The following ZC3H4 variants were observed in gnomAD, a reference collection of about 807,000 sequenced individuals.
The protein encoded by ZC3H4 is zinc finger CCCH-type containing 4.
In ZC3H4, 13 loss-of-function variants were observed where a neutral mutation model predicts 108.3. The observed-to-expected ratio is 0.12, with a 90% CI of 0.08 to 0.19. ZC3H4 has a LOEUF of 0.19. ZC3H4 is among the 10% of genes least tolerant of loss of function. The pLI is 1.00. For synonymous variants in ZC3H4, 917 were observed against 749.6 expected, an observed-to-expected ratio of 1.22 and a Z score of -3.65; for missense variants, 1,734 against 1,838.8, an observed-to-expected ratio of 0.94 and a Z score of 1.04.
In ZC3H4 at chr19:47,066,213, TA is replaced by T; in HGVS notation, c.*142del. The T allele has an allele frequency of 3.2e-6, 2 of 624,758 alleles. No individual in the cohort carries two copies. The highest frequency in any genetic ancestry group is 5.1e-6 in the Non-Finnish European group (2 of 395,084). The allele number at this position is 624,758 out of a possible 1,614,324, so 38.7% of individuals were successfully genotyped here. A position where few individuals can be genotyped will look rare whatever the true frequency, so the allele number is the denominator to read the frequency against. ...AAGAAAGTACTACTTTAAAAAAAAA[TA>T]AAAGAGACGGAAAGCAAAAGAAAAA... On this transcript the variant is annotated 3_prime_UTR_variant, in exon 15 of 15. Transcript: ENST00000253048.
At chr19:47,104,585 G>A (rs1329889098) in intron 2 of ZC3H4, among the ~76,000 whole-genome samples, 1 of 152,200 alleles carries the variant, frequency 6.6e-6, no homozygotes, top group Admixed American at 6.5e-5. Flanking sequence ...TCAGCAACCT[G>A]TATCACTTAA....
Position 47,112,213 on chromosome 19 carries a change from AG to A in ZC3H4, c.161+210del, listed in dbSNP as rs1031997227. 1.7e-4 allele frequency: 203 copies of A among 1,165,864 alleles called. 1 individual carries two copies. Among genetic ancestry groups the A allele is most frequent in the East Asian group, 2.5e-4 (7 of 27,744 alleles). The allele number at this position is 1,165,864 out of a possible 1,614,324, so 72.2% of individuals were successfully genotyped here. A position where few individuals can be genotyped will look rare whatever the true frequency, so the allele number is the denominator to read the frequency against. On this transcript the variant is annotated intron_variant, in intron 2 of 14. Coordinates refer to ENST00000253048, the MANE Select transcript of ZC3H4 (RefSeq NM_015168.2). ...CGAGGGAGAGCGGGCGAGCGCCGCG[AG>A]GGGGGGGAAACGCATGAGGCCGGGA...
intron 1 of ZC3H4, chr19:47,113,405 A>G (rs1051928020): frequency 2.0e-5 from 3 of 152,708 alleles, no homozygotes; most frequent in Non-Finnish European, 4.4e-5. Flanking sequence ...GGGGAGCCAT[A>G]AATAGCCTAA....
At chr19:47,097,064 C>T in intron 2 of ZC3H4, 7 of 860,692 alleles carry the variant, frequency 8.1e-6, no homozygotes, top group Non-Finnish European at 9.8e-6. Context: ...ATTCAAGGAA[C>T]TCCAAGAGCC....
At chr19:47,104,460 T>A (rs1330910833) in intron 2 of ZC3H4, among the ~76,000 whole-genome samples, 1 of 152,148 alleles carries the variant, frequency 6.6e-6, no homozygotes, top group Non-Finnish European at 1.5e-5. Context: ...CAGGGCCAGG[T>A]ACAGATTGGG....
chr19:47,082,326 G>T (rs189075562), intron 9 of ZC3H4, 31 bp from the exon 10 acceptor site: 17 of 1,538,148 alleles, frequency 1.1e-5, no homozygotes, highest in Middle Eastern at 3.4e-4. Context: ...ACATAAGGTG[G>T]TGGCGTGGGA....
chr19:47,106,746 A>C (rs1243311231), intron 2 of ZC3H4, among the ~76,000 whole-genome samples: 2 of 152,258 alleles, frequency 1.3e-5, no homozygotes, highest in Non-Finnish European at 2.9e-5. Flanking sequence ...TAAAGTCTTC[A>C]TGATAGAAGG....
At chr19:47,071,560 AAAAG>A (rs1302382353) in intron 13 of ZC3H4, among the ~76,000 whole-genome samples, 1 of 152,204 alleles carries the variant, frequency 6.6e-6, no homozygotes, top group Non-Finnish European at 1.5e-5. Context: ...TGCAAAATTA[AAAAG>A]AAATAACCTA....
In ZC3H4 at chr19:47,067,879, A is replaced by C. The variant is rs750821477; in HGVS notation, c.2399-10T>G. 3 of 1,578,220 alleles carry C rather than the reference A, an allele frequency of 1.9e-6. No individual in the cohort carries two copies. The highest frequency in any genetic ancestry group is 2.6e-6 in the Non-Finnish European group (3 of 1,165,112). ...CAGTTTCCGGTGTCACCTGGGAAAG[A>C]ACAGAGGAGCAGGGAGGGGTGAGTG... is the stretch of plus-strand genomic sequence containing the variant. On this transcript the variant is annotated splice_polypyrimidine_tract_variant and intron_variant, in intron 14 of 14. Coordinates refer to ENST00000253048, the MANE Select transcript of ZC3H4 (RefSeq NM_015168.2). The surrounding 1 kb of genome is among the most constrained non-coding windows in gnomAD (Gnocchi z 6.4).
chr19:47,106,960 T>G (rs1185969731), intron 2 of ZC3H4, among the ~76,000 whole-genome samples: 2 of 152,184 alleles, frequency 1.3e-5, no homozygotes, highest in Non-Finnish European at 2.9e-5. Flanking sequence ...GGTATGAGAT[T>G]CTAGATCCCT....
chr19:47,106,032 T>C (rs2057964053), intron 2 of ZC3H4, among the ~76,000 whole-genome samples: 1 of 152,176 alleles, frequency 6.6e-6, no homozygotes, highest in Non-Finnish European at 1.5e-5. Flanking sequence ...CACCTCTCTG[T>C]TTTGGTTTCT....
At chr19:47,073,628 G>A (rs2057367302) in intron 11 of ZC3H4, among the ~76,000 whole-genome samples, 2 of 152,166 alleles carry the variant, frequency 1.3e-5, no homozygotes, top group African/African-American at 2.4e-5. Flanking sequence ...CATTAACAAT[G>A]TTATGTAACC....
chr19:47,085,271 T>C, intron 7 of ZC3H4, 47 bp downstream of exon 7: 1 of 1,300,468 alleles, frequency 7.7e-7, no homozygotes, highest in Non-Finnish European at 1.1e-6. Flanking sequence ...CAGCAGCTGC[T>C]GGAATCCCTG....
At chr19:47,092,843 TAAATAAAC>T (rs1259212761) in intron 4 of ZC3H4, among the ~76,000 whole-genome samples, 7 of 150,294 alleles carry the variant, frequency 4.7e-5, no homozygotes, top group Admixed American at 1.3e-4. Flanking sequence ...AATAAATAAA[TAAATAAAC>T]AAACAAGACA....
Position 47,085,323 on chromosome 19 carries a change from C to A in ZC3H4, c.962G>T (p.Gly321Val), listed in dbSNP as rs1359571169. 1 of 1,598,132 alleles carries A rather than the reference C, an allele frequency of 6.3e-7. No homozygotes were observed. Among genetic ancestry groups the A allele is most frequent in the South Asian group, 1.1e-5 (1 of 88,790 alleles). The change falls in exon 7 of 15, where the codon GGC becomes GTC. Residue 321 changes from glycine (G) to valine (V), a missense_variant. Physicochemically the swap from Gly to Val is moderately radical, Grantham distance 109. This residue lies in a region of ZC3H4 where 403 missense variants were observed against 457.0 expected (regional missense o/e 0.88). Coordinates refer to ENST00000253048, the MANE Select transcript of ZC3H4 (RefSeq NM_015168.2). ...NQYRRSKDSR[G>V]RGLSRGRGRG... Reference sequence around the variant, plus strand: ...CTCTCCAGGCCCCTGCCCACCTCGGCCTCGGCTGTCCTTGGAGCGGCGGTA... The same window carrying A: ...CTCTCCAGGCCCCTGCCCACCTCGGACTCGGCTGTCCTTGGAGCGGCGGTA...
intron 2 of ZC3H4, among the ~76,000 whole-genome samples, chr19:47,100,750 G>T (rs1175245568): frequency 6.6e-6 from 1 of 152,100 alleles, no homozygotes; most frequent in Admixed American, 6.6e-5. Context: ...CCAGGCTGGA[G>T]TGCAGTGGCG....
chr19:47,091,844 G>A (rs922491245), intron 4 of ZC3H4, among the ~76,000 whole-genome samples: 1 of 152,164 alleles, frequency 6.6e-6, no homozygotes, highest in South Asian at 2.1e-4. Flanking sequence ...AGTGAGCCGA[G>A]ATTGTGCCAC....
chr19:47,070,138 G>C (rs374862216), intron 13 of ZC3H4, among the ~76,000 whole-genome samples: 2 of 152,026 alleles, frequency 1.3e-5, no homozygotes, highest in Admixed American at 1.3e-4. Flanking sequence ...AAACGGAGGG[G>C]GGGGCGTCTG....
At chr19:47,105,335 T>A (rs1283211395) in intron 2 of ZC3H4, among the ~76,000 whole-genome samples, 1 of 152,164 alleles carries the variant, frequency 6.6e-6, no homozygotes, top group African/African-American at 2.4e-5. Flanking sequence ...GCGCGGTGGC[T>A]CATACCTGTA....
Sources: allele counts gnomAD v4.1 joint callset (sites outside exome capture counted in the v4.1 genomes callset), GRCh38; gene constraint gnomAD v4.1.1; regional missense constraint gnomAD v4.1.1; non-coding constraint Gnocchi (gnomAD v3.1); transcripts MANE v1.5; gene names NCBI Gene and HGNC (gene_info 2026-07-23, HGNC 2026-07-21).